Variants in PARD3B observed in about 807,000 individuals in gnomAD.
PARD3B encodes the protein partitioning defective 3 homolog B.
Under a neutral mutation model 130.2 loss-of-function variants are expected in PARD3B, and 103 were observed. The observed-to-expected ratio is 0.79, with a 90% CI of 0.67 to 0.93. The LOEUF (loss-of-function observed/expected upper bound fraction) is 0.93, where lower values mean the gene tolerates loss of function less well. Ranked by LOEUF, PARD3B falls within the 40% of genes least tolerant of loss-of-function variation. The pLI is 0.00. For missense variants in PARD3B, 1,609 were observed against 1,499.2 expected, an observed-to-expected ratio of 1.07 and a Z score of -1.21; for synonymous variants, 583 against 553.2, an observed-to-expected ratio of 1.05 and a Z score of -0.76.
chr2:205,224,587 C>A (rs1281589609), intron 15 of PARD3B, among the ~76,000 whole-genome samples: 3 of 147,728 alleles, frequency 2.0e-5, no homozygotes, highest in Admixed American at 2.0e-4. Context: ...TTCCCAACCC[C>A]TCTGGTTATC....
intron 2 of PARD3B, among the ~76,000 whole-genome samples, chr2:204,884,922 G>A (rs7601495): frequency 0.28 from 42,620 of 152,086 alleles, 10,956 homozygotes; most frequent in African/African-American, 0.69. Flanking sequence ...TATTTTGAAT[G>A]GTGCTGCAAT....
At chr2:205,483,568 G>A (rs1012591887) in intron 20 of PARD3B, among the ~76,000 whole-genome samples, 11 of 152,082 alleles carry the variant, frequency 7.2e-5, no homozygotes, top group African/African-American at 2.4e-4. Context: ...TTGACCATTA[G>A]CTCTTTTTCT....
chr2:205,170,575 G>T (rs928935562), intron 11 of PARD3B, among the ~76,000 whole-genome samples: 1 of 152,114 alleles, frequency 6.6e-6, no homozygotes, highest in African/African-American at 2.4e-5. Context: ...CAGGCGGCGT[G>T]GGCAGTGTGT....
At chr2:205,189,800 G>T (rs1325818204) in intron 14 of PARD3B, among the ~76,000 whole-genome samples, 1 of 152,010 alleles carries the variant, frequency 6.6e-6, no homozygotes, top group East Asian at 1.9e-4. Context: ...ACACTCACTT[G>T]CCTCCTTAAT....
intron 18 of PARD3B, among the ~76,000 whole-genome samples, chr2:205,390,300 GAA>G (rs1188607669): frequency 1.4e-5 from 2 of 140,318 alleles, no homozygotes; most frequent in African/African-American, 2.6e-5. Context: ...AGAAGAATAT[GAA>G]AAAAAAAAAA....
intron 21 of PARD3B, among the ~76,000 whole-genome samples, chr2:205,551,834 C>CTGTT (rs1169102089): frequency 6.6e-6 from 1 of 152,164 alleles, no homozygotes; most frequent in Non-Finnish European, 1.5e-5. Flanking sequence ...GACCTTGACA[C>CTGTT]TGTTAGTTCC....
chr2:204,979,079 G>A (rs1185239211), intron 3 of PARD3B, among the ~76,000 whole-genome samples: 10 of 151,908 alleles, frequency 6.6e-5, no homozygotes, highest in Non-Finnish European at 8.8e-5. Context: ...GGTGGCGGGC[G>A]CCTTTAGTCC....
At chr2:205,007,536 T>C (rs951434674) in intron 3 of PARD3B, among the ~76,000 whole-genome samples, 3 of 152,212 alleles carry the variant, frequency 2.0e-5, no homozygotes, top group Non-Finnish European at 4.4e-5. Flanking sequence ...CACTGGTCTA[T>C]GTGCCTGTTT....
At chr2:204,665,320 C>T (rs2035976343) in intron 1 of PARD3B, among the ~76,000 whole-genome samples, 1 of 152,104 alleles carries the variant, frequency 6.6e-6, no homozygotes, top group African/African-American at 2.4e-5. Context: ...AGCTGTTTGG[C>T]TCCTGTTAAA....
At chr2:204,645,248 G>T (rs2035232397) in intron 1 of PARD3B, among the ~76,000 whole-genome samples, 1 of 152,016 alleles carries the variant, frequency 6.6e-6, no homozygotes, top group African/African-American at 2.4e-5. Context: ...GGAAACCTCA[G>T]GCCCTCTGAT....
intron 19 of PARD3B, among the ~76,000 whole-genome samples, chr2:205,427,556 C>A (rs1238640251): frequency 6.6e-6 from 1 of 152,044 alleles, no homozygotes; most frequent in Non-Finnish European, 1.5e-5. Flanking sequence ...AGTATGCTAC[C>A]TTTTGTGTAA....
intron 3 of PARD3B, among the ~76,000 whole-genome samples, chr2:205,025,167 G>A (rs1318083402): frequency 1.3e-5 from 2 of 152,148 alleles, no homozygotes; most frequent in South Asian, 2.1e-4. Context: ...TTTAGGTCGG[G>A]CAAGAGTGTG....
intron 10 of PARD3B, among the ~76,000 whole-genome samples, chr2:205,141,946 G>A (rs963130184): frequency 2.0e-5 from 3 of 152,148 alleles, no homozygotes; most frequent in Admixed American, 6.5e-5. Flanking sequence ...AGCACTTGTT[G>A]ACAATGTTCT....
intron 2 of PARD3B, among the ~76,000 whole-genome samples, chr2:204,846,671 C>A (rs1419169955): frequency 6.7e-6 from 1 of 149,720 alleles, no homozygotes; most frequent in Non-Finnish European, 1.5e-5. Flanking sequence ...CAAACAAGGT[C>A]CAGTGAGCAC....
intron 20 of PARD3B, among the ~76,000 whole-genome samples, chr2:205,475,874 C>T (rs2049005524): frequency 1.3e-5 from 2 of 152,158 alleles, no homozygotes; most frequent in African/African-American, 4.8e-5. Flanking sequence ...AATTTATGCT[C>T]ATAATACAAG....
chr2:204,611,642 T>C (rs1163021318), intron 1 of PARD3B, among the ~76,000 whole-genome samples: 1 of 152,194 alleles, frequency 6.6e-6, no homozygotes, highest in African/African-American at 2.4e-5. Context: ...ATGTAAGATA[T>C]ATATAAACAA....
At chr2:205,119,410 C>G (rs937023742) in intron 7 of PARD3B, among the ~76,000 whole-genome samples, 8 of 152,080 alleles carry the variant, frequency 5.3e-5, no homozygotes, top group African/African-American at 1.9e-4. Flanking sequence ...TTGGTGTCAG[C>G]AGTCTTCCTT....
At chr2:204,823,497 A>T in intron 2 of PARD3B, among the ~76,000 whole-genome samples, 1 of 152,274 alleles carries the variant, frequency 6.6e-6, no homozygotes, top group South Asian at 2.1e-4. Flanking sequence ...TACTGGCTAC[A>T]TACATAAGTA....
At chr2:204,899,056 T>G (rs867277148) in intron 2 of PARD3B, among the ~76,000 whole-genome samples, 1 of 151,532 alleles carries the variant, frequency 6.6e-6, no homozygotes, top group Middle Eastern at 3.4e-3. Flanking sequence ...ATATTAGGTT[T>G]TTTTTTTTTA....
Sources: gnomAD v4.1 joint callset for allele counts (sites outside exome capture counted in the v4.1 genomes callset) on GRCh38, gnomAD v4.1.1 for gene constraint, MANE v1.5 for transcripts, NCBI Gene and HGNC (gene_info 2026-07-23, HGNC 2026-07-21) for gene names.